Variants in DSCAM observed in about 807,000 individuals in gnomAD.
DSCAM encodes cell adhesion molecule DSCAM.
Under a neutral mutation model 217.7 loss-of-function variants are expected in DSCAM, and 47 were observed. The observed-to-expected ratio is 0.22, with a 90% confidence interval of 0.17 to 0.28. The LOEUF (loss-of-function observed/expected upper bound fraction) is 0.28. DSCAM is among the 10% of genes least tolerant of loss of function. The pLI is 1.00. For synonymous variants in DSCAM, 1,056 were observed against 1,015.3 expected, an observed-to-expected ratio of 1.04 and a Z score of -0.76; for missense variants, 2,080 against 2,618.3, an observed-to-expected ratio of 0.79 and a Z score of 4.49.
rs55760124 is a variant in DSCAM, at chr21:40,403,819, T to G, written c.509-34574A>C. Among the ~76,000 whole-genome samples, 1,123 of 152,300 alleles carry G rather than the reference T, an allele frequency of 7.4e-3. 12 individuals are homozygous for G. The highest frequency in any genetic ancestry group is 0.025 in the African/African-American group (1,041 of 41,564). ...TATGCTCATTAATAAAGCTTGAGTA[T>G]TGAATGTGCCTGTGACAAGCATACA... On this transcript the variant is annotated intron_variant, in intron 3 of 32. Coordinates refer to ENST00000400454, the MANE Select transcript of DSCAM (RefSeq NM_001389.5).
chr21:40,269,386 C>T (rs1045068405), intron 11 of DSCAM, among the ~76,000 whole-genome samples: 2 of 152,324 alleles, frequency 1.3e-5, no homozygotes, highest in Non-Finnish European at 1.5e-5. Context: ...GGAGCTGCTG[C>T]GTTTGATGGG....
intron 8 of DSCAM, among the ~76,000 whole-genome samples, chr21:40,337,315 T>C (rs1259454514): frequency 6.6e-6 from 1 of 152,192 alleles, no homozygotes; most frequent in African/African-American, 2.4e-5. Flanking sequence ...CGGAAATAGT[T>C]TTATAACATA....
Position 40,088,187 on chromosome 21 carries a change from A to G in DSCAM, c.3851-900T>C, listed in dbSNP as rs564959695. Among the ~76,000 whole-genome samples the G allele has an allele frequency of 2.0e-5, 3 of 152,302 alleles. No homozygotes were observed. The South Asian group carries it at 6.2e-4, about 32-fold the overall frequency. On this transcript the variant is annotated intron_variant, in intron 21 of 32. Transcript: ENST00000400454. ...TGTCATGGAGCTGGGGACATAGAGG[A>G]AACAGGTGCCCCTACAGGAGCTCAC...
chr21:40,484,107 A>G (rs1179215203), intron 3 of DSCAM, among the ~76,000 whole-genome samples: 1 of 152,216 alleles, frequency 6.6e-6, no homozygotes, highest in East Asian at 1.9e-4. Context: ...ACCCAAACTC[A>G]TCTAATCTTC....
chr21:40,189,296 G>A, intron 11 of DSCAM, 58 bp from the exon 12 acceptor site: 4 of 1,344,110 alleles, frequency 3.0e-6, no homozygotes, highest in Non-Finnish European at 4.0e-6. Flanking sequence ...GATTTTCCCT[G>A]GCAAAACACT....
At chr21:40,083,793 T>C in intron 24 of DSCAM, 115 bp downstream of exon 24, 3 of 666,266 alleles carry the variant, frequency 4.5e-6, no homozygotes, top group Non-Finnish European at 7.3e-6. Context: ...TTATATGACG[T>C]ATTTTTGGGG....
chr21:40,728,727 A>G (rs116090691), intron 1 of DSCAM, among the ~76,000 whole-genome samples: 2,614 of 152,274 alleles, frequency 0.017, 81 homozygotes, highest in African/African-American at 0.06. Context: ...GCCCACTACA[A>G]ATGATTCTGA....
At chr21:40,082,040 G>A (rs2089470113) in intron 24 of DSCAM, among the ~76,000 whole-genome samples, 2 of 152,138 alleles carry the variant, frequency 1.3e-5, no homozygotes, top group South Asian at 4.1e-4. Flanking sequence ...TCTCTAGTCA[G>A]CCTGGAACCT....
chr21:40,706,932 A>G (rs2090724256), intron 2 of DSCAM, among the ~76,000 whole-genome samples: 1 of 152,238 alleles, frequency 6.6e-6, no homozygotes. Flanking sequence ...AGATGTCAAG[A>G]ACGCCAGCAC....
At chr21:40,041,907 T>C (rs1019687272) in intron 32 of DSCAM, among the ~76,000 whole-genome samples, 2 of 152,200 alleles carry the variant, frequency 1.3e-5, no homozygotes, top group Non-Finnish European at 2.9e-5. Flanking sequence ...TTTCTTGGGC[T>C]CTGTGACTGC....
intron 20 of DSCAM, among the ~76,000 whole-genome samples, chr21:40,098,781 A>T (rs2146604443): frequency 6.6e-6 from 1 of 152,290 alleles, no homozygotes; most frequent in Non-Finnish European, 1.5e-5. Context: ...GTGTCAGATG[A>T]TTTGGAGAGA....
intron 3 of DSCAM, among the ~76,000 whole-genome samples, chr21:40,612,625 C>A (rs1344268104): frequency 6.6e-6 from 1 of 152,198 alleles, no homozygotes; most frequent in Non-Finnish European, 1.5e-5. Context: ...CTCATGTTTA[C>A]AAACATAGCC....
chr21:40,532,997 A>C (rs2076461630), intron 3 of DSCAM, among the ~76,000 whole-genome samples: 1 of 152,200 alleles, frequency 6.6e-6, no homozygotes. Flanking sequence ...GAGGGATGGC[A>C]CAGTCATCCG....
Position 40,300,264 on chromosome 21 carries a change from T to C in DSCAM, c.2063-4090A>G, listed in dbSNP as rs370898917. ...ATTCAAGTTTCCAAAATGGTACCTG[T>C]TCCTGTTCACCATCCATTAAGGTCC... On this transcript the variant is annotated intron_variant, in intron 9 of 32. Coordinates refer to ENST00000400454, the MANE Select transcript of DSCAM (RefSeq NM_001389.5). 4.2e-4 allele frequency among the ~76,000 whole-genome samples: 64 copies of C among 152,332 alleles called. No individual in the cohort carries two copies. In the South Asian group the frequency reaches 0.011, roughly 25 times the overall value.
chr21:40,720,667 C>G (rs1256512018), intron 1 of DSCAM, among the ~76,000 whole-genome samples: 1 of 147,814 alleles, frequency 6.8e-6, no homozygotes, highest in Non-Finnish European at 1.5e-5. Flanking sequence ...AAGTTTCAGA[C>G]AGTACAGAAA....
intron 3 of DSCAM, among the ~76,000 whole-genome samples, chr21:40,529,873 C>A (rs548647430): frequency 2.6e-5 from 4 of 152,166 alleles, no homozygotes; most frequent in Admixed American, 1.3e-4. Flanking sequence ...CCTTTATTTA[C>A]TTAGAAAGTC....
At chr21:40,740,506 G>C (rs2091113704) in intron 1 of DSCAM, among the ~76,000 whole-genome samples, 1 of 152,152 alleles carries the variant, frequency 6.6e-6, no homozygotes, top group African/African-American at 2.4e-5. Context: ...AACTTCCATG[G>C]AGCATCAAGC....
intron 27 of DSCAM, among the ~76,000 whole-genome samples, chr21:40,064,110 T>C (rs1245198172): frequency 9.2e-6 from 1 of 108,762 alleles, no homozygotes; most frequent in Non-Finnish European, 1.9e-5. Context: ...ATTTAACACT[T>C]ACAAAGTATA....
intron 20 of DSCAM, among the ~76,000 whole-genome samples, chr21:40,115,272 G>A (rs2146647287): frequency 6.6e-6 from 1 of 152,202 alleles, no homozygotes; most frequent in South Asian, 2.1e-4. Context: ...TAGGGACATG[G>A]AAGAAGCTGG....
Sources: allele counts gnomAD v4.1 joint callset (sites outside exome capture counted in the v4.1 genomes callset), GRCh38; gene constraint gnomAD v4.1.1; transcripts MANE v1.5; gene names NCBI Gene and HGNC (gene_info 2026-07-23, HGNC 2026-07-21).